Variants in GIPC3 observed in about 807,000 individuals in gnomAD.
GIPC3 encodes GIPC PDZ domain containing family member 3, also known as PDZ domain-containing protein GIPC3.
In GIPC3, 16 loss-of-function variants were observed where a neutral mutation model predicts 27.3. The observed-to-expected ratio is 0.59, with a 90% confidence interval of 0.40 to 0.89. The LOEUF (loss-of-function observed/expected upper bound fraction) is 0.89. Among genes scored for constraint, GIPC3 ranks in the 40% least tolerant of loss-of-function variants. The probability of loss-of-function intolerance (pLI) is 0.00; values close to 1 mark genes in which losing one functional copy is unlikely to be tolerated. For missense variants in GIPC3, 440 were observed against 442.1 expected, an observed-to-expected ratio of 1.00 and a Z score of 0.04; for synonymous variants, 194 against 184.6, an observed-to-expected ratio of 1.05 and a Z score of -0.41.
chr19:3,593,531 C>T lies in GIPC3; in HGVS notation c.*3341C>T, dbSNP rs568272527. The T allele has an allele frequency of 1.2e-4, 47 of 389,978 alleles. No individual in the cohort carries two copies. Among genetic ancestry groups the T allele is most frequent in the African/African-American group, 9.5e-4 (46 of 48,528 alleles). 24.2% of individuals were successfully genotyped at this position (389,978 alleles called of 1,614,324 possible). Reference sequence around the variant, plus strand: ...GGCTCATGGTGAATAAAGGCACCTTCCATCTCTGCAGCCTGGTGTGTCATT... The same window carrying T: ...GGCTCATGGTGAATAAAGGCACCTTTCATCTCTGCAGCCTGGTGTGTCATT... On this transcript the variant is annotated 3_prime_UTR_variant, in exon 6 of 6. Coordinates refer to ENST00000644452, the MANE Select transcript of GIPC3 (RefSeq NM_133261.3).
intron 3 of GIPC3, among the ~76,000 whole-genome samples, chr19:3,588,837 G>T (rs576688168): frequency 1.3e-5 from 2 of 151,784 alleles, no homozygotes; most frequent in South Asian, 4.2e-4. Context: ...CCAGCTACTC[G>T]AGAGGCTGAG....
intron 3 of GIPC3, among the ~76,000 whole-genome samples, chr19:3,587,514 T>G (rs2032394732): frequency 6.6e-6 from 1 of 151,954 alleles, no homozygotes; most frequent in African/African-American, 2.4e-5. Flanking sequence ...ACTTCTGACC[T>G]CAAGTGCTCC....
intron 3 of GIPC3, among the ~76,000 whole-genome samples, chr19:3,588,026 C>T (rs569908434): frequency 2.6e-5 from 4 of 151,468 alleles, no homozygotes; most frequent in Admixed American, 6.6e-5. Context: ...TTTTTTGAGA[C>T]GGAGTTTTGC....
Position 3,591,449 on chromosome 19 carries a change from T to G in GIPC3, c.*1259T>G. ...GGAAAACTCAAGCTGACTCTGGAAC[T>G]CTGGACAGCTCCACGATGCAGCCAC... On this transcript the variant is annotated 3_prime_UTR_variant, in exon 6 of 6. Coordinates refer to ENST00000644452, the MANE Select transcript of GIPC3 (RefSeq NM_133261.3). 8.1e-7 allele frequency: 1 copy of G among 1,232,282 alleles called. No individual in the cohort carries two copies. Among genetic ancestry groups the G allele is most frequent in the Non-Finnish European group, 1.0e-6 (1 of 988,192 alleles). 76.3% of individuals were successfully genotyped at this position (1,232,282 alleles called of 1,614,324 possible). A position where few individuals can be genotyped will look rare whatever the true frequency, so the allele number is the denominator to read the frequency against.
rs765072035 is a variant in GIPC3 at position 3,591,923 on chromosome 19, C to A, written c.*1733C>A. 6.1e-5 allele frequency: 75 copies of A among 1,232,336 alleles called. No homozygotes were observed. Among genetic ancestry groups the A allele is most frequent in the Non-Finnish European group, 7.1e-5 (70 of 988,308 alleles). 76.3% of individuals were successfully genotyped at this position (1,232,336 alleles called of 1,614,324 possible). A position where few individuals can be genotyped will look rare whatever the true frequency, so the allele number is the denominator to read the frequency against. On this transcript the variant is annotated 3_prime_UTR_variant, in exon 6 of 6. Transcript: ENST00000644452. ...TGCAGTTTACTTCCAGGACCCAGAC[C>A]AATTTCAAGGCCTGGCCAAGCTCCA...
In GIPC3 at chr19:3,592,979, GC is replaced by G; in HGVS notation, c.*2791del. ...CCCCAGCCCCTAGCAAAGACCCCCA[GC>G]CTCTGCCTCAGCCCCATGATCAGGT... On this transcript the variant is annotated 3_prime_UTR_variant, in exon 6 of 6. Coordinates refer to ENST00000644452, the MANE Select transcript of GIPC3 (RefSeq NM_133261.3). 1 of 641,844 alleles carries G rather than the reference GC, an allele frequency of 1.6e-6. No homozygotes were observed. The highest frequency in any genetic ancestry group is 7.8e-5 in the South Asian group (1 of 12,810). The allele number at this position is 641,844 out of a possible 1,614,324, so 39.8% of individuals were successfully genotyped here. A position where few individuals can be genotyped will look rare whatever the true frequency, so the allele number is the denominator to read the frequency against.
At chr19:3,589,101 C>T (rs2032432088) in intron 3 of GIPC3, among the ~76,000 whole-genome samples, 1 of 152,050 alleles carries the variant, frequency 6.6e-6, no homozygotes, top group African/African-American at 2.4e-5. Flanking sequence ...GTTCTGGAAC[C>T]CAGACAAGAA....
rs35689626 is a variant in GIPC3, at chr19:3,592,545, AC to A, written c.*2358del. 0.44 allele frequency: 542,458 copies of A among 1,231,538 alleles called. 123,277 individuals carry two copies. Among genetic ancestry groups the A allele is most frequent in the Non-Finnish European group, 0.46 (458,202 of 987,830 alleles). 76.3% of individuals were successfully genotyped at this position (1,231,538 alleles called of 1,614,324 possible). On this transcript the variant is annotated 3_prime_UTR_variant, in exon 6 of 6. Coordinates refer to ENST00000644452, the MANE Select transcript of GIPC3 (RefSeq NM_133261.3). The stretch of plus-strand genomic sequence containing the variant: ...CCCTGGAGCTCATCTTAGCTCCAGA[AC>A]CCAGTCCAGTCCTGAGACCAGGCTC...
intron 1 of GIPC3, among the ~76,000 whole-genome samples, chr19:3,586,101 C>T (rs1384745493): frequency 6.6e-6 from 1 of 152,192 alleles, no homozygotes; most frequent in African/African-American, 2.4e-5. Context: ...GGAGCGGACC[C>T]CAGCCCTCGG....
chr19:3,588,632 C>T (rs1484780777), intron 3 of GIPC3, among the ~76,000 whole-genome samples: 1 of 123,772 alleles, frequency 8.1e-6, no homozygotes, highest in African/African-American at 3.9e-5. Context: ...TCAGGTGATC[C>T]ATCGTATCAA....
Position 3,590,387 on chromosome 19 carries a change from C to G in GIPC3, c.*197C>G, listed in dbSNP as rs1442479955. The stretch of plus-strand genomic sequence containing the variant: ...CTGAGGCCAAGCTATGTGCTAGAGC[C>G]CAGGCCAGCTCTGAGACCAAGCCCA... On this transcript the variant is annotated 3_prime_UTR_variant, in exon 6 of 6. Coordinates refer to ENST00000644452, the MANE Select transcript of GIPC3 (RefSeq NM_133261.3). The G allele has an allele frequency of 1.4e-6, 2 of 1,435,256 alleles. No homozygotes were observed. The highest frequency in any genetic ancestry group is 1.8e-6 in the Non-Finnish European group (2 of 1,099,218). The allele number at this position is 1,435,256 out of a possible 1,614,324, so 88.9% of individuals were successfully genotyped here.
chr19:3,590,150 T>A lies in GIPC3; in HGVS notation c.899T>A (p.Val300Glu). The change falls in exon 6 of 6, where the codon GTG (valine) becomes GAG (glutamate). Residue 300 changes from valine (V) to glutamate (E), a missense_variant. Physicochemically the swap from Val to Glu is moderately radical, Grantham distance 121. Coordinates refer to ENST00000644452, the MANE Select transcript of GIPC3 (RefSeq NM_133261.3). ...TTCCCCGACGAGTTTGTGGTGGAAG[T>A]GTGGGCCGCCATCGGCGAGGCCAGA... ...FAFPDEFVVEVWAAIGEAREA... is the reference protein window; with the variant it reads ...FAFPDEFVVEEWAAIGEAREA... 7 of 1,609,862 alleles carry A rather than the reference T, an allele frequency of 4.3e-6. No homozygotes were observed. Among genetic ancestry groups the A allele is most frequent in the Non-Finnish European group, 5.9e-6 (7 of 1,178,560 alleles).
chr19:3,589,581 CA>C (rs1161170089), intron 4 of GIPC3, 26 bp downstream of exon 4: 1 of 1,561,288 alleles, frequency 6.4e-7, no homozygotes, highest in East Asian at 2.2e-5. Flanking sequence ...GGGCTCTCCC[CA>C]GGCTTCTGCA....
In GIPC3 at chr19:3,590,694, G is replaced by C. The variant is rs564030262; in HGVS notation, c.*504G>C. 1 of 996,038 alleles carries C rather than the reference G, an allele frequency of 1.0e-6. No individual in the cohort carries two copies. The highest frequency in any genetic ancestry group is 4.9e-5 in the Admixed American group (1 of 20,428). The allele number at this position is 996,038 out of a possible 1,614,324, so 61.7% of individuals were successfully genotyped here. A position where few individuals can be genotyped will look rare whatever the true frequency, so the allele number is the denominator to read the frequency against. Reference sequence around the variant, plus strand: ...TAGAACTCAGATGGGCTCTGAGACCGAGCCCAGCTCTAAAACTCAGATGGG... The same window carrying C: ...TAGAACTCAGATGGGCTCTGAGACCCAGCCCAGCTCTAAAACTCAGATGGG... On this transcript the variant is annotated 3_prime_UTR_variant, in exon 6 of 6. Transcript: ENST00000644452.
chr19:3,587,426 C>T (rs113599531), intron 3 of GIPC3, among the ~76,000 whole-genome samples: 5,872 of 152,028 alleles, frequency 0.039, 266 homozygotes, highest in African/African-American at 0.11. Flanking sequence ...GGACTACAGG[C>T]ACCCACCATT....
Position 3,592,017 on chromosome 19 carries a change from T to C in GIPC3, c.*1827T>C. The C allele has an allele frequency of 8.1e-7, 1 of 1,232,038 alleles. No homozygotes were observed. The allele number at this position is 1,232,038 out of a possible 1,614,324, so 76.3% of individuals were successfully genotyped here. A position where few individuals can be genotyped will look rare whatever the true frequency, so the allele number is the denominator to read the frequency against. On this transcript the variant is annotated 3_prime_UTR_variant, in exon 6 of 6. Coordinates refer to ENST00000644452, the MANE Select transcript of GIPC3 (RefSeq NM_133261.3). ...GCTCAGTTCTGGAGCACAGGCTGGT[T>C]CTGAAATCCCAGCCAGCTCCAAAAC...
chr19:3,585,792 C>T lies in GIPC3; in HGVS notation c.195C>T (p.Ile65=). 6.5e-7 allele frequency: 1 copy of T among 1,547,892 alleles called. No individual in the cohort carries two copies. The highest frequency in any genetic ancestry group is 8.7e-7 in the Non-Finnish European group (1 of 1,146,432). The part of the protein sequence containing the change: ...FTNVRELYAK[I]AEAFGIAPTE... Reference sequence around the variant, plus strand: ...ACGTCCGCGAGCTGTACGCCAAGATCGCCGAAGCCTTCGGGATCGCGCCCA... The same window carrying T: ...ACGTCCGCGAGCTGTACGCCAAGATTGCCGAAGCCTTCGGGATCGCGCCCA... The change falls in exon 1 of 6, where the codon ATC becomes ATT. Residue 65 remains isoleucine (I), a synonymous_variant. Coordinates refer to ENST00000644452, the MANE Select transcript of GIPC3 (RefSeq NM_133261.3).
In GIPC3 at chr19:3,592,699, G is replaced by A; in HGVS notation, c.*2509G>A. ...CAACTTAGTTCCAGAACCCAGTCCA[G>A]CTCTGAGACCGGGCTCAGCTCTGAA... On this transcript the variant is annotated 3_prime_UTR_variant, in exon 6 of 6. Transcript: ENST00000644452. 2 of 1,230,536 alleles carry A rather than the reference G, an allele frequency of 1.6e-6. No individual in the cohort carries two copies. Among genetic ancestry groups the A allele is most frequent in the Non-Finnish European group, 2.0e-6 (2 of 986,788 alleles). 76.2% of individuals were successfully genotyped at this position (1,230,536 alleles called of 1,614,324 possible).
Position 3,591,192 on chromosome 19 carries a change from A to G in GIPC3, c.*1002A>G. 1 of 1,232,990 alleles carries G rather than the reference A, an allele frequency of 8.1e-7. No homozygotes were observed. The highest frequency in any genetic ancestry group is 1.6e-5 in the African/African-American group (1 of 64,466). 76.4% of individuals were successfully genotyped at this position (1,232,990 alleles called of 1,614,324 possible). A position where few individuals can be genotyped will look rare whatever the true frequency, so the allele number is the denominator to read the frequency against. Reference sequence around the variant, plus strand: ...CAGCATTGAGACCAAGCCCTGTTCTAGAACTCAGGCCACCTCTGAGGCCAA... The same window carrying G: ...CAGCATTGAGACCAAGCCCTGTTCTGGAACTCAGGCCACCTCTGAGGCCAA... On this transcript the variant is annotated 3_prime_UTR_variant, in exon 6 of 6. Transcript: ENST00000644452.
Sources: allele counts gnomAD v4.1 joint callset (sites outside exome capture counted in the v4.1 genomes callset), GRCh38; gene constraint gnomAD v4.1.1; transcripts MANE v1.5; gene names NCBI Gene and HGNC (gene_info 2026-07-23, HGNC 2026-07-21).